CLDN2: variants seen among roughly 807,000 people sequenced by gnomAD.
CLDN2 encodes claudin-2.
CLDN2 carries 1 observed loss-of-function variant against 8.2 expected under a neutral mutation model. The observed-to-expected ratio is 0.12, with a 90% CI of 0.04 to 0.58. The LOEUF (loss-of-function observed/expected upper bound fraction) is 0.58, where lower values mean the gene tolerates loss of function less well. CLDN2 is among the 20% of genes least tolerant of loss of function. The pLI, the probability that CLDN2 is intolerant of heterozygous loss-of-function variation, is 0.90. For missense variants in CLDN2, 108 were observed against 172.9 expected (o/e 0.62, Z 2.11); for synonymous variants, 70 against 70.2 (o/e 1.00, Z 0.01).
chrX:106,927,307 C>G (rs970932340), intron 1 of CLDN2, among the ~76,000 whole-genome samples: 1 of 111,173 alleles, frequency 9.0e-6, no homozygotes, highest in Non-Finnish European at 1.9e-5. Context: ...ACTCTTGTCC[C>G]CCCTAACAGA....
chrX:106,900,547 G>T, intron 1 of CLDN2: 1 of 720,729 alleles, frequency 1.4e-6, no homozygotes, highest in Non-Finnish European at 1.9e-6. Context: ...CCAATTTTCA[G>T]TCCAGAAAGC....
chrX:106,912,790 CTG>C (rs1933264027), intron 1 of CLDN2, among the ~76,000 whole-genome samples: 1 of 110,899 alleles, frequency 9.0e-6, no homozygotes, highest in African/African-American at 3.3e-5. Flanking sequence ...CAAAATGATC[CTG>C]TCACCTCAAG....
At chrX:106,920,108 A>G (rs1202973388), upstream of CLDN2, among the ~76,000 whole-genome samples, 1 of 111,169 alleles carries the variant, frequency 9.0e-6, no homozygotes, top group Non-Finnish European at 1.9e-5. Flanking sequence ...CAGGGCTGCT[A>G]GCCAGGGACA....
chrX:106,917,333 T>TA (rs967535565), upstream of CLDN2, among the ~76,000 whole-genome samples: 4 of 111,060 alleles, frequency 3.6e-5, no homozygotes, highest in Non-Finnish European at 5.7e-5. Flanking sequence ...ACCAGAGGAG[T>TA]GTTGTTATCA....
rs113807178 is a variant in CLDN2, at chrX:106,907,744, T to G, written c.-179+7240T>G. Among the ~76,000 whole-genome samples, 344 of 104,300 alleles carry G rather than the reference T, an allele frequency of 3.3e-3. 3 individuals carry two copies. The highest frequency in any genetic ancestry group is 0.012 in the African/African-American group (319 of 27,310). The allele number at this position is 104,300 out of a possible 115,157, so 90.6% of individuals were successfully genotyped here. A position where few individuals can be genotyped will look rare whatever the true frequency, so the allele number is the denominator to read the frequency against. ...ATAATAATAATAATAATAATAATAATAATAAAGGACTCTCCTTCGTTCTGA... is the reference window on the plus strand; with the variant it reads ...ATAATAATAATAATAATAATAATAAGAATAAAGGACTCTCCTTCGTTCTGA... On this transcript the variant is annotated intron_variant, in intron 1 of 1. Transcript: ENST00000541806.
chrX:106,901,521 C>T lies in CLDN2; in HGVS notation c.-179+1017C>T, dbSNP rs190216177. The stretch of plus-strand genomic sequence containing the variant: ...ATTCAGCCTTGGTGACCTCAGCAGC[C>T]GTTGCCCCACCAGCAGCCTGTCCAA... On this transcript the variant is annotated intron_variant, in intron 1 of 1. Transcript: ENST00000541806. 6.7e-4 allele frequency: 810 copies of T among 1,209,682 alleles called. 6 individuals are homozygous for T. In the African/African-American group the frequency reaches 0.01, roughly 16 times the overall value.
In CLDN2 at chrX:106,900,843, T is replaced by C. The variant is rs41306259; in HGVS notation, c.-179+339T>C. The C allele has an allele frequency of 1.2e-3, 1,459 of 1,209,909 alleles. 2 individuals carry two copies. The highest frequency in any genetic ancestry group is 1.6e-3 in the Non-Finnish European group (1,404 of 895,175). The stretch of plus-strand genomic sequence containing the variant: ...GTTGATGGTTGCCTGGACAGGAAAG[T>C]TCTGCAGTAAAATCTCCCCAGCACT... On this transcript the variant is annotated intron_variant, in intron 1 of 1. Transcript: ENST00000541806.
chrX:106,911,689 A>G (rs903436800), intron 1 of CLDN2, among the ~76,000 whole-genome samples: 1 of 112,276 alleles, frequency 8.9e-6, no homozygotes, highest in African/African-American at 3.2e-5. Context: ...TTTGGATAAG[A>G]AGCAAGCCTT....
upstream of CLDN2, among the ~76,000 whole-genome samples, chrX:106,919,979 G>A (rs908046488): frequency 1.8e-5 from 2 of 112,203 alleles, no homozygotes; most frequent in Non-Finnish European, 3.8e-5. Context: ...GGGTAGGGCT[G>A]AGGGCCTGCC....
At chrX:106,925,089 T>C (rs1293795364) in intron 1 of CLDN2, among the ~76,000 whole-genome samples, 1 of 111,331 alleles carries the variant, frequency 9.0e-6, no homozygotes. Flanking sequence ...AAACAGGAAA[T>C]TGCAACATAA....
chrX:106,910,915 A>T (rs1286047299), intron 1 of CLDN2, among the ~76,000 whole-genome samples: 1 of 111,911 alleles, frequency 8.9e-6, no homozygotes, highest in Non-Finnish European at 1.9e-5. Flanking sequence ...TGGGGGAAAA[A>T]TAATGGTTCC....
chrX:106,902,119 G>A (rs1391480838), intron 1 of CLDN2: 8 of 1,174,268 alleles, frequency 6.8e-6, no homozygotes, highest in Admixed American at 4.7e-5. Context: ...GTGAACACAC[G>A]TCACAAGGGC....
At chrX:106,916,591 C>G (rs1406891869), upstream of CLDN2, among the ~76,000 whole-genome samples, 1 of 111,133 alleles carries the variant, frequency 9.0e-6, no homozygotes, top group Non-Finnish European at 1.9e-5. Flanking sequence ...GACAAAAAAG[C>G]TAAATTTTGG....
upstream of CLDN2, among the ~76,000 whole-genome samples, chrX:106,919,638 C>T (rs1450662770): frequency 9.0e-6 from 1 of 111,445 alleles, no homozygotes; most frequent in African/African-American, 3.3e-5. Context: ...TGCGCACCAC[C>T]ACATCCAGCT....
intron 1 of CLDN2, among the ~76,000 whole-genome samples, chrX:106,912,960 A>AT (rs1166538013): frequency 9.8e-5 from 11 of 111,775 alleles, no homozygotes; most frequent in Admixed American, 4.8e-4. Flanking sequence ...AATGAATGTG[A>AT]TTTTTTAATA....
rs147829672 is a variant in CLDN2, at chrX:106,930,111, C to A, written c.*1190C>A. 399 of 123,148 alleles carry A rather than the reference C, an allele frequency of 3.2e-3. 8 individuals carry two copies. The East Asian group carries it at 0.047, about 15-fold the overall frequency. 10.1% of individuals were successfully genotyped at this position (123,148 alleles called of 1,213,427 possible). The stretch of plus-strand genomic sequence containing the variant: ...GGTCCACCCACAGAGCACTACAGAG[C>A]CTCTGAAAGACCATAGCACCAAGCG... On this transcript the variant is annotated 3_prime_UTR_variant, in exon 2 of 2. Coordinates refer to ENST00000336803, the MANE Select transcript of CLDN2 (RefSeq NM_020384.4).
rs764505236 is a variant in CLDN2 at position 106,901,286 on chromosome X, T to G, written c.-179+782T>G. ...CATGGGGGATCATTCTTGGGCATCG[T>G]TAACAATGCCTCTAGAAAAGACAGC... On this transcript the variant is annotated intron_variant, in intron 1 of 1. Coordinates refer to the CLDN2 transcript ENST00000541806. Among the ~76,000 whole-genome samples the G allele has an allele frequency of 2.7e-5, 3 of 112,087 alleles. No homozygotes were observed. In the South Asian group the frequency reaches 1.1e-3, roughly 43 times the overall value.
At chrX:106,920,672 T>C (rs1031894026) in intron 1 of CLDN2, 121 bp downstream of exon 1, 1 of 112,013 alleles carries the variant, frequency 8.9e-6, no homozygotes, top group Admixed American at 9.5e-5. Context: ...CTTGGGTTTC[T>C]GAGTGAAGGG....
At chrX:106,912,552 T>C (rs1453461942) in intron 1 of CLDN2, among the ~76,000 whole-genome samples, 3 of 109,389 alleles carry the variant, frequency 2.7e-5, no homozygotes. Context: ...TAGCTGGGAC[T>C]ATAGGCTTGC....
Sources: gnomAD v4.1 joint callset for allele counts (sites outside exome capture counted in the v4.1 genomes callset) on GRCh38, gnomAD v4.1.1 for gene constraint, MANE v1.5 for transcripts, NCBI Gene and HGNC (gene_info 2026-07-23, HGNC 2026-07-21) for gene names.